MRPL13: variants seen among roughly 807,000 people sequenced by gnomAD.
MRPL13 encodes the protein mitochondrial ribosomal protein L13.
MRPL13 carries 33 observed loss-of-function variants against 29.0 expected under a neutral mutation model. That is an observed-to-expected ratio of 1.14 (90% CI 0.86 to 1.52). MRPL13 has a LOEUF of 1.52. Ranked by LOEUF, MRPL13 falls within the 40% of genes most tolerant of loss-of-function variation. MRPL13 has a pLI of 0.00. For missense variants in MRPL13, 227 were observed against 216.7 expected (o/e 1.05, Z -0.30); for synonymous variants, 77 against 68.4 (o/e 1.13, Z -0.62).
chr8:120,441,644 A>G (rs964653256), intron 2 of MRPL13, among the ~76,000 whole-genome samples: 1 of 152,224 alleles, frequency 6.6e-6, no homozygotes, highest in African/African-American at 2.4e-5. Flanking sequence ...CATAACAACT[A>G]AAGACAATAC....
At chr8:120,425,822 C>T (rs1026817365) in intron 3 of MRPL13, among the ~76,000 whole-genome samples, 3 of 152,104 alleles carry the variant, frequency 2.0e-5, no homozygotes, top group African/African-American at 4.8e-5. Context: ...CATGTTTCTT[C>T]TTAGCAGTTT....
chr8:120,422,389 A>G (rs967485537), intron 4 of MRPL13, among the ~76,000 whole-genome samples: 4 of 151,564 alleles, frequency 2.6e-5, no homozygotes, highest in African/African-American at 9.7e-5. Context: ...AATAGCTAAA[A>G]GAAAAAACAA....
chr8:120,413,502 A>G (rs770427833), intron 6 of MRPL13, among the ~76,000 whole-genome samples: 12 of 152,234 alleles, frequency 7.9e-5, no homozygotes, highest in Non-Finnish European at 4.4e-5. Context: ...ACTAGATGGG[A>G]GAAAGAATGT....
intron 4 of MRPL13, among the ~76,000 whole-genome samples, chr8:120,424,304 G>A (rs1292107810): frequency 6.6e-6 from 1 of 151,682 alleles, no homozygotes; most frequent in Non-Finnish European, 1.5e-5. Flanking sequence ...AAATATATAA[G>A]GCAAAAATTG....
chr8:120,400,279 T>C (rs561381947), intron 6 of MRPL13, among the ~76,000 whole-genome samples: 111 of 152,260 alleles, frequency 7.3e-4, no homozygotes, highest in Non-Finnish European at 3.1e-4. Flanking sequence ...TAACAGTCTC[T>C]CAGATCACAG....
chr8:120,400,732 AT>A (rs1382010805), intron 6 of MRPL13, among the ~76,000 whole-genome samples: 4 of 140,294 alleles, frequency 2.9e-5, no homozygotes, highest in African/African-American at 1.2e-4. Flanking sequence ...AAATAAATAA[AT>A]AAATAAATAA....
chr8:120,413,777 A>T (rs925741822), intron 6 of MRPL13, among the ~76,000 whole-genome samples: 1 of 152,192 alleles, frequency 6.6e-6, no homozygotes, highest in Non-Finnish European at 1.5e-5. Flanking sequence ...ACCTATGAAC[A>T]TCCTCGCACT....
In MRPL13 at chr8:120,398,013, C is replaced by T. The variant is rs80199728; in HGVS notation, c.516-1888G>A. On this transcript the variant is annotated intron_variant, in intron 6 of 6. Transcript: ENST00000306185. ...TCCCTCCCAGGGATGGAGCCCCTGG[C>T]GGGAGGGGTGGCCAACATCTAAGCA... 7.2e-5 allele frequency among the ~76,000 whole-genome samples: 11 copies of T among 152,272 alleles called. No homozygotes were observed. The East Asian group carries it at 7.7e-4, about 11-fold the overall frequency.
intron 2 of MRPL13, 73 bp downstream of exon 2, chr8:120,443,112 G>T: frequency 7.5e-7 from 1 of 1,330,024 alleles, no homozygotes; most frequent in Non-Finnish European, 9.9e-7. Context: ...ACTCAGCCCT[G>T]TTAAACTTCA....
chr8:120,440,084 G>C (rs552971615), intron 2 of MRPL13, among the ~76,000 whole-genome samples: 27 of 152,294 alleles, frequency 1.8e-4, no homozygotes, highest in Admixed American at 1.5e-3. Flanking sequence ...TTGGAACTTA[G>C]TCTAGTGAAA....
chr8:120,417,240 A>C (rs1439497257), intron 5 of MRPL13, among the ~76,000 whole-genome samples: 2 of 152,226 alleles, frequency 1.3e-5, no homozygotes, highest in Admixed American at 6.5e-5. Context: ...ACAGTGACCA[A>C]AGATTTGATC....
chr8:120,438,530 T>C (rs1284950518), intron 2 of MRPL13, among the ~76,000 whole-genome samples: 1 of 152,202 alleles, frequency 6.6e-6, no homozygotes, highest in Non-Finnish European at 1.5e-5. Context: ...GGACAGTTAG[T>C]GCTATATTTG....
chr8:120,419,371 C>G (rs1362676826), intron 5 of MRPL13, among the ~76,000 whole-genome samples: 1 of 151,896 alleles, frequency 6.6e-6, no homozygotes, highest in Non-Finnish European at 1.5e-5. Flanking sequence ...TGTTTACACT[C>G]TTTTCCAAGT....
intron 6 of MRPL13, 65 bp downstream of exon 6, chr8:120,413,926 A>G: frequency 7.0e-7 from 1 of 1,419,182 alleles, no homozygotes; most frequent in Non-Finnish European, 9.2e-7. Context: ...ATCTTATTTA[A>G]TCATATGGTT....
At chr8:120,418,410 T>A (rs937286137) in intron 5 of MRPL13, among the ~76,000 whole-genome samples, 1 of 152,076 alleles carries the variant, frequency 6.6e-6, no homozygotes, top group African/African-American at 2.4e-5. Flanking sequence ...TCCTGATGTA[T>A]GTATTTTCAT....
At chr8:120,406,645 GTATACT>G (rs1376584413) in intron 6 of MRPL13, among the ~76,000 whole-genome samples, 6 of 149,334 alleles carry the variant, frequency 4.0e-5, no homozygotes, top group Admixed American at 6.7e-5. Context: ...TTTATATATA[GTATACT>G]TATATATAAA....
At position 120,443,318 on chromosome 8, in the gene MRPL13, G is replaced by A. The variant is rs200636729; in HGVS notation, c.28-10C>T. On this transcript the variant is annotated splice_polypyrimidine_tract_variant and intron_variant, in intron 1 of 6. Coordinates refer to ENST00000306185, the MANE Select transcript of MRPL13 (RefSeq NM_014078.6). ...CAAAAGTGGCCCATTGCTTGGGGGGGAAAAAAAAAAAAAAGAAGAGGAAAA... is the reference window on the plus strand; with the variant it reads ...CAAAAGTGGCCCATTGCTTGGGGGGAAAAAAAAAAAAAAAGAAGAGGAAAA... The A allele has an allele frequency of 1.6e-3, 2,175 of 1,371,790 alleles. 1 individual carries two copies. The highest frequency in any genetic ancestry group is 3.9e-3 in the South Asian group (270 of 69,182). 85.0% of individuals were successfully genotyped at this position (1,371,790 alleles called of 1,614,324 possible). A position where few individuals can be genotyped will look rare whatever the true frequency, so the allele number is the denominator to read the frequency against.
In MRPL13 at chr8:120,432,487, T is replaced by C. The variant is rs115641565; in HGVS notation, c.152-364A>G. On this transcript the variant is annotated intron_variant, in intron 2 of 6. Coordinates refer to ENST00000306185, the MANE Select transcript of MRPL13 (RefSeq NM_014078.6). ...GTATTAAGTGCCTTTAAATGTCTGA[T>C]ACAAAATTTCCCTGAAAAATAGCCA... Among the ~76,000 whole-genome samples the C allele has an allele frequency of 2.3e-3, 344 of 152,218 alleles. 1 individual carries two copies. The highest frequency in any genetic ancestry group is 7.5e-3 in the African/African-American group (311 of 41,578).
At chr8:120,406,037 T>C (rs905494494) in intron 6 of MRPL13, among the ~76,000 whole-genome samples, 1 of 152,214 alleles carries the variant, frequency 6.6e-6, no homozygotes, top group African/African-American at 2.4e-5. Flanking sequence ...AGTTTTAAAA[T>C]GTGCGTTAAT....
Sources: allele counts gnomAD v4.1 joint callset (sites outside exome capture counted in the v4.1 genomes callset), GRCh38; gene constraint gnomAD v4.1.1; transcripts MANE v1.5; gene names NCBI Gene and HGNC (gene_info 2026-07-23, HGNC 2026-07-21).